RALGDS: variants seen among roughly 807,000 people sequenced by gnomAD.
RALGDS encodes ral guanine nucleotide dissociation stimulator.
RALGDS carries 44 observed loss-of-function variants against 99.8 expected under a neutral mutation model. The ratio of observed to expected loss-of-function variants is 0.44; its 90% CI spans 0.35 to 0.57. RALGDS has a LOEUF of 0.57. Among genes scored for constraint, RALGDS ranks in the 20% least tolerant of loss-of-function variants. RALGDS has a pLI of 0.01. For missense variants in RALGDS, 1,022 were observed against 1,203.1 expected, an observed-to-expected ratio of 0.85 and a Z score of 2.23; for synonymous variants, 529 against 505.0, an observed-to-expected ratio of 1.05 and a Z score of -0.64.
chr9:133,145,022 A>G (rs964799691), intron 1 of RALGDS, among the ~76,000 whole-genome samples: 2 of 152,236 alleles, frequency 1.3e-5, no homozygotes, highest in African/African-American at 4.8e-5. Context: ...ACCAGGAACG[A>G]ATGCCAAGGA....
In RALGDS at chr9:133,112,083, G is replaced by A; in HGVS notation, c.253C>T (p.Gln85Ter). The change falls in exon 2 of 18, where the codon CAG (glutamine) becomes TAG (stop). Residue 85 changes from glutamine (Q) to a stop codon, truncating the protein, a stop_gained. Coordinates refer to ENST00000372050, the MANE Select transcript of RALGDS (RefSeq NM_006266.4). LOFTEE classifies it high-confidence loss of function. ...VIYSISLRKV[Q>*]LHHGGNKGQR... ...CCCTTGTTGCCTCCGTGGTGCAGCT[G>A]CACCTTGCGCAGGGAGATGGAGTAG... 1 of 1,586,036 alleles carries A rather than the reference G, an allele frequency of 6.3e-7. No individual in the cohort carries two copies. The highest frequency in any genetic ancestry group is 8.6e-7 in the Non-Finnish European group (1 of 1,165,166).
upstream of RALGDS, chr9:133,121,249 G>C (rs1368234607): frequency 1.0e-6 from 1 of 985,076 alleles, no homozygotes; most frequent in Non-Finnish European, 1.2e-6. Flanking sequence ...CTGTGAGCCC[G>C]CGGCCCGGCC....
intron 1 of RALGDS, chr9:133,130,888 C>T (rs1311861382): frequency 6.2e-6 from 9 of 1,452,056 alleles, no homozygotes; most frequent in African/African-American, 2.8e-5. Flanking sequence ...CTCAGAGCCC[C>T]AACCCCAAAG....
chr9:133,106,369 C>T (rs776144234), intron 8 of RALGDS, among the ~76,000 whole-genome samples: 3 of 152,208 alleles, frequency 2.0e-5, no homozygotes, highest in Non-Finnish European at 4.4e-5. Flanking sequence ...GCTGGGATTA[C>T]AGGCGTTAGC....
intron 9 of RALGDS, among the ~76,000 whole-genome samples, chr9:133,105,064 T>C (rs767294586): frequency 6.6e-6 from 1 of 152,154 alleles, no homozygotes; most frequent in Admixed American, 6.5e-5. Context: ...CTTTACCCGT[T>C]TGGTCACTGA....
chr9:133,114,293 C>T (rs896044122), intron 1 of RALGDS, among the ~76,000 whole-genome samples: 13 of 152,168 alleles, frequency 8.5e-5, no homozygotes, highest in African/African-American at 3.1e-4. Context: ...CTGGTCGCTT[C>T]CCGTCACAGC....
chr9:133,123,566 C>T (rs893864427), upstream of RALGDS, among the ~76,000 whole-genome samples: 2 of 152,252 alleles, frequency 1.3e-5, no homozygotes, highest in South Asian at 4.1e-4. Flanking sequence ...TAGCCAGTCC[C>T]TCTGGCCGGT....
chr9:133,142,309 G>C (rs767797851), intron 1 of RALGDS, among the ~76,000 whole-genome samples: 1 of 152,116 alleles, frequency 6.6e-6, no homozygotes, highest in Non-Finnish European at 1.5e-5. Flanking sequence ...CCTGGACCCT[G>C]GTCTCTGCAT....
chr9:133,134,699 C>T (rs1046984988), upstream of RALGDS, among the ~76,000 whole-genome samples: 4 of 152,174 alleles, frequency 2.6e-5, no homozygotes, highest in Non-Finnish European at 5.9e-5. Context: ...GAGGCCTAGG[C>T]TGGGGACTCT....
chr9:133,110,676 G>A (rs7864290), intron 2 of RALGDS, among the ~76,000 whole-genome samples, 187 bp from the exon 3 acceptor site: 3,550 of 151,836 alleles, frequency 0.023, 147 homozygotes, highest in African/African-American at 0.08. Context: ...CAGTCATCCC[G>A]GCACTTTGGG....
chr9:133,107,883 G>A, intron 6 of RALGDS, 105 bp downstream of exon 6: 1 of 1,423,188 alleles, frequency 7.0e-7, no homozygotes, highest in South Asian at 1.2e-5. Context: ...GCAGAGCTGG[G>A]ATTTGACCAG....
chr9:133,126,135 G>C (rs1832147737), upstream of RALGDS, among the ~76,000 whole-genome samples: 1 of 152,078 alleles, frequency 6.6e-6, no homozygotes, highest in Admixed American at 6.6e-5. Flanking sequence ...GAAGTGGGGG[G>C]TTCTTATGAA....
At chr9:133,108,939 C>T (rs1487455280) in intron 4 of RALGDS, 73 bp from the exon 5 acceptor site, 6 of 1,441,376 alleles carry the variant, frequency 4.2e-6, no homozygotes, top group Non-Finnish European at 5.7e-6. Flanking sequence ...CTGAGCCGGC[C>T]CCTGTCCATC....
At chr9:133,102,981 G>A in intron 12 of RALGDS, 81 bp from the exon 13 acceptor site, 1 of 1,581,698 alleles carries the variant, frequency 6.3e-7, no homozygotes, top group Non-Finnish European at 8.6e-7. Context: ...TTGTTCTTGG[G>A]GTCCCTTCCT....
At chr9:133,103,177 G>A in intron 12 of RALGDS, 53 bp downstream of exon 12, 1 of 1,600,700 alleles carries the variant, frequency 6.2e-7, no homozygotes, top group Non-Finnish European at 8.6e-7. Flanking sequence ...GTCCTACCCT[G>A]GTGGGTCTGT....
upstream of RALGDS, among the ~76,000 whole-genome samples, chr9:133,132,765 G>A (rs763502964): frequency 4.0e-4 from 61 of 152,188 alleles, no homozygotes; most frequent in Non-Finnish European, 2.4e-4. Context: ...TCAGCCTCCC[G>A]AGTAGCTGGG....
chr9:133,106,040 A>G lies in RALGDS; in HGVS notation c.1518-24T>C, dbSNP rs1318469499. ...CCCTGTCAGAAGGGCAAAGAAGGAA[A>G]GAGAAAGCTGGGAATGGTAGGGAGG... On this transcript the variant is annotated intron_variant, in intron 8 of 17. Transcript: ENST00000372050. The G allele has an allele frequency of 7.6e-6, 12 of 1,588,966 alleles. No individual in the cohort carries two copies. The Admixed American group carries it at 2.0e-4, about 27-fold the overall frequency.
chr9:133,115,674 C>T (rs1431706967), intron 1 of RALGDS, among the ~76,000 whole-genome samples: 2 of 152,172 alleles, frequency 1.3e-5, no homozygotes, highest in African/African-American at 4.8e-5. Context: ...GCTCGGTGAC[C>T]GGCACTGGGA....
At chr9:133,117,854 G>A (rs186918586) in intron 1 of RALGDS, among the ~76,000 whole-genome samples, 22 of 152,338 alleles carry the variant, frequency 1.4e-4, no homozygotes, top group South Asian at 6.2e-4. Flanking sequence ...CCACTGGCTC[G>A]TTCAGAGCCT....
Sources: allele counts gnomAD v4.1 joint callset (sites outside exome capture counted in the v4.1 genomes callset), GRCh38; gene constraint gnomAD v4.1.1; transcripts MANE v1.5; gene names NCBI Gene and HGNC (gene_info 2026-07-23, HGNC 2026-07-21).